Variants in HNF1A observed in about 807,000 individuals in gnomAD.
The protein encoded by HNF1A is hepatocyte nuclear factor 1-alpha.
Under a neutral mutation model 62.2 loss-of-function variants are expected in HNF1A, and 21 were observed. The ratio of observed to expected loss-of-function variants is 0.34; its 90% CI spans 0.24 to 0.49. HNF1A has a LOEUF of 0.49. Ranked by LOEUF, HNF1A falls within the 20% of genes least tolerant of loss-of-function variation. HNF1A has a pLI of 0.99. For synonymous variants in HNF1A, 374 were observed against 366.8 expected (o/e 1.02, Z -0.22); for missense variants, 687 against 832.3 (o/e 0.83, Z 2.15).
At position 120,982,891 on chromosome 12, in the gene HNF1A, T is replaced by C. The variant is rs188279875; in HGVS notation, c.326+3797T>C. On this transcript the variant is annotated intron_variant, in intron 1 of 9. Transcript: ENST00000257555. ...ATCAACTCACTTCCATACAGTGCTT[T>C]GGAGTTCACAAAGGGCTTACAAAAT... Among the ~76,000 whole-genome samples the C allele has an allele frequency of 6.6e-5, 10 of 152,320 alleles. No individual in the cohort carries two copies. In the East Asian group the frequency reaches 1.7e-3, roughly 26 times the overall value.
intron 2 of HNF1A, among the ~76,000 whole-genome samples, chr12:120,993,017 G>C (rs530622327): frequency 6.6e-6 from 1 of 152,302 alleles, no homozygotes; most frequent in Admixed American, 6.5e-5. Flanking sequence ...AGCTGATGAA[G>C]GCTGGCTGGG....
intron 2 of HNF1A, among the ~76,000 whole-genome samples, chr12:120,992,828 G>A (rs1158964701): frequency 1.3e-5 from 2 of 152,148 alleles, no homozygotes; most frequent in Non-Finnish European, 2.9e-5. Context: ...AGCCACTTAT[G>A]CCCGCTGCTG....
chr12:121,000,668 C>G (rs1877395187), intron 9 of HNF1A: 1 of 294,472 alleles, frequency 3.4e-6, no homozygotes, highest in African/African-American at 2.2e-5. Flanking sequence ...GTAGGAGGCC[C>G]ACCCATATTT....
intron 1 of HNF1A, among the ~76,000 whole-genome samples, chr12:120,988,256 CCA>C (rs1876619594): frequency 4.5e-5 from 6 of 133,612 alleles, no homozygotes; most frequent in South Asian, 6.1e-4. Flanking sequence ...CATCCATCAT[CCA>C]TCCACCCACC....
Position 121,001,593 on chromosome 12 carries a change from C to T in HNF1A, c.*401C>T. 2.3e-6 allele frequency: 1 copy of T among 440,122 alleles called. No homozygotes were observed. Among genetic ancestry groups the T allele is most frequent in the East Asian group, 4.0e-5 (1 of 24,824 alleles). The allele number at this position is 440,122 out of a possible 1,614,324, so 27.3% of individuals were successfully genotyped here. On this transcript the variant is annotated 3_prime_UTR_variant, in exon 10 of 10. Coordinates refer to ENST00000257555, the MANE Select transcript of HNF1A (RefSeq NM_000545.8). ...CAGCCACACTTCTCAGGACACAGGC[C>T]TGTGTAGCTGTGACCTGCTGAGCTC...
In HNF1A at chr12:120,994,239, T is replaced by C; in HGVS notation, c.789T>C (p.Arg263=). 1 of 1,613,648 alleles carries C rather than the reference T, an allele frequency of 6.2e-7. No homozygotes were observed. The highest frequency in any genetic ancestry group is 8.5e-7 in the Non-Finnish European group (1 of 1,179,846). The part of the protein sequence containing the change: ...GLGSNLVTEV[R]VYNWFANRRK... ...GCTCCAACCTCGTCACGGAGGTGCG[T>C]GTCTACAACTGGTTTGCCAACCGGC... The change falls in exon 4 of 10, where the codon CGT becomes CGC. Residue 263 remains arginine, a synonymous_variant. Transcript: ENST00000257555.
chr12:120,997,692 GGA>G, intron 7 of HNF1A, 27 bp downstream of exon 7: 3 of 1,594,976 alleles, frequency 1.9e-6, no homozygotes, highest in Non-Finnish European at 2.6e-6. Context: ...CCACACAGCA[GGA>G]GATGATGATA....
intron 1 of HNF1A, among the ~76,000 whole-genome samples, chr12:120,988,459 CCCATTCAT>C (rs529445994): frequency 2.5e-4 from 38 of 152,154 alleles, no homozygotes; most frequent in African/African-American, 3.9e-4. Context: ...CGTCCATCCA[CCCATTCAT>C]CCATTCATCC....
rs772756175 is a variant in HNF1A at position 120,997,547 on chromosome 12, C to A, written c.1383C>A (p.Pro461=). 1.2e-6 allele frequency: 2 copies of A among 1,613,556 alleles called. No homozygotes were observed. The highest frequency in any genetic ancestry group is 3.3e-5 in the Admixed American group (2 of 59,884). ...SMGSSLTTLQ[P]VQFSQPLHPS... ...GCAGCAGCCTGACCACCCTGCAGCC[C>A]GTCCAGTTCTCCCAGCCGCTGCACC... The change falls in exon 7 of 10, where the codon CCC becomes CCA. Residue 461 remains proline (P), a synonymous_variant. Coordinates refer to ENST00000257555, the MANE Select transcript of HNF1A (RefSeq NM_000545.8).
chr12:120,996,552 T>C lies in HNF1A; in HGVS notation c.1119T>C (p.Ala373=), dbSNP rs750257306. Residue 373 remains alanine, a synonymous_variant, in exon 6 of 10, where the codon GCT becomes GCC. Transcript: ENST00000257555. The surrounding 1 kb of genome is among the most constrained non-coding windows in gnomAD (Gnocchi z 4.5). The stretch of plus-strand genomic sequence containing the variant: ...GCTTCCCCTCGTAGGTCTCAGCAGC[T>C]GGGGGCCCCCTCCCCCCTGTCAGCA... The part of the protein sequence containing the change: ...LSTEAKLVSA[A]GGPLPPVSTL... 5 of 1,613,662 alleles carry C rather than the reference T, an allele frequency of 3.1e-6. No individual in the cohort carries two copies. Among genetic ancestry groups the C allele is most frequent in the Non-Finnish European group, 4.2e-6 (5 of 1,179,968 alleles).
Position 120,979,014 on chromosome 12 carries a change from G to A in HNF1A, c.246G>A (p.Thr82=), listed in dbSNP as rs752243228. 2.0e-5 allele frequency: 33 copies of A among 1,610,072 alleles called. No individual in the cohort carries two copies. In the South Asian group the frequency reaches 2.7e-4, roughly 13 times the overall value. Residue 82 remains threonine (T), a synonymous_variant, in exon 1 of 10, where the codon ACG becomes ACA. Coordinates refer to ENST00000257555, the MANE Select transcript of HNF1A (RefSeq NM_000545.8). The part of the protein sequence containing the change: ...DETDDDGEDF[T]PPILKELENL... ...CGGACGACGATGGGGAAGACTTCAC[G>A]CCACCCATCCTCAAAGAGCTGGAGA...
At chr12:120,993,436 A>T (rs1471265985) in intron 2 of HNF1A, 84 bp from the exon 3 acceptor site, 3 of 1,393,326 alleles carry the variant, frequency 2.2e-6, no homozygotes, top group Non-Finnish European at 3.0e-6. Context: ...TGGCAATGAG[A>T]AAGAATCAAG....
chr12:121,001,510 A>G lies in HNF1A; in HGVS notation c.*318A>G. On this transcript the variant is annotated 3_prime_UTR_variant, in exon 10 of 10. Coordinates refer to ENST00000257555, the MANE Select transcript of HNF1A (RefSeq NM_000545.8). The stretch of plus-strand genomic sequence containing the variant: ...TTGGAACTGAAGGGGGCGGCCTATG[A>G]CTTGGGCACCCCCAGCCTGGGCCTA... 2.2e-6 allele frequency: 1 copy of G among 457,680 alleles called. No homozygotes were observed. The highest frequency in any genetic ancestry group is 4.1e-6 in the Non-Finnish European group (1 of 244,146). 28.4% of individuals were successfully genotyped at this position (457,680 alleles called of 1,614,324 possible).
chr12:120,987,766 CTA>C (rs1437602269), intron 1 of HNF1A, among the ~76,000 whole-genome samples: 1 of 10,380 alleles, frequency 9.6e-5, no homozygotes, highest in Non-Finnish European at 2.1e-4. Flanking sequence ...CAAAGTTGAT[CTA>C]TCTATCTATC....
intron 1 of HNF1A, among the ~76,000 whole-genome samples, chr12:120,988,236 A>ACCAT (rs1325936449): frequency 7.5e-5 from 7 of 92,908 alleles, no homozygotes; most frequent in Admixed American, 4.6e-4. Flanking sequence ...CATTCATCCA[A>ACCAT]CCATCCATCC....
intron 7 of HNF1A, chr12:120,998,046 G>T: frequency 2.1e-6 from 1 of 485,124 alleles, no homozygotes. Flanking sequence ...TTGGAAGGCC[G>T]AGGTGGGCAG....
chr12:120,979,733 G>GACTC (rs3830659), intron 1 of HNF1A: 45,644 of 153,626 alleles, frequency 0.3, 7,218 homozygotes, highest in Middle Eastern at 0.49. Flanking sequence ...TCCGCTGGCG[G>GACTC]ACTCCCCGTC....
Position 120,989,023 on chromosome 12 carries a change from G to A in HNF1A, c.517G>A (p.Val173Met). 1 of 1,614,170 alleles carries A rather than the reference G, an allele frequency of 6.2e-7. No individual in the cohort carries two copies. The highest frequency in any genetic ancestry group is 1.3e-5 in the African/African-American group (1 of 75,056). Reference protein sequence around the residue: ...YTWYVRKQREVAQQFTHAGQG... With the variant: ...YTWYVRKQREMAQQFTHAGQG... ...CTGGTACGTCCGCAAGCAGCGAGAG[G>A]TGGCGCAGCGTAAGTAATGACCCTA... The change falls in exon 2 of 10, where the codon GTG becomes ATG. Residue 173 changes from valine (V) to methionine (M), a missense_variant. Around this residue, in one of 5 missense-constraint regions of HNF1A, gnomAD observed 47 missense variants for 52.5 expected, o/e 0.90. Coordinates refer to ENST00000257555, the MANE Select transcript of HNF1A (RefSeq NM_000545.8).
chr12:120,978,709 C>T lies in HNF1A; in HGVS notation c.-60C>T, dbSNP rs1033416844. The T allele has an allele frequency of 3.4e-5, 51 of 1,522,286 alleles. No homozygotes were observed. The highest frequency in any genetic ancestry group is 4.1e-5 in the Non-Finnish European group (45 of 1,100,490). 94.3% of individuals were successfully genotyped at this position (1,522,286 alleles called of 1,614,324 possible). Reference sequence around the variant, plus strand: ...GGCCGGCAGGCAAACGCAACCCACGCGGTGGGGGAGGCGGCTAGCGTGGTG... The same window carrying T: ...GGCCGGCAGGCAAACGCAACCCACGTGGTGGGGGAGGCGGCTAGCGTGGTG... On this transcript the variant is annotated 5_prime_UTR_variant, in exon 1 of 10. Transcript: ENST00000257555.
Sources: gnomAD v4.1 joint callset for allele counts (sites outside exome capture counted in the v4.1 genomes callset) on GRCh38, gnomAD v4.1.1 for gene constraint, gnomAD v4.1.1 regional missense constraint, Gnocchi (gnomAD v3.1) non-coding constraint, MANE v1.5 for transcripts, NCBI Gene and HGNC (gene_info 2026-07-23, HGNC 2026-07-21) for gene names.